Variants in MACROD2 observed in about 807,000 individuals in gnomAD.
MACROD2 encodes ADP-ribose glycohydrolase MACROD2.
Under a neutral mutation model 70.4 loss-of-function variants are expected in MACROD2, and 36 were observed. The ratio of observed to expected loss-of-function variants is 0.51; its 90% CI spans 0.39 to 0.68. The LOEUF (loss-of-function observed/expected upper bound fraction) is 0.68, where lower values mean the gene tolerates loss of function less well. Ranked by LOEUF, MACROD2 falls within the 30% of genes least tolerant of loss-of-function variation. MACROD2 has a pLI of 0.00. For missense variants in MACROD2, 496 were observed against 538.4 expected, an observed-to-expected ratio of 0.92 and a Z score of 0.78; for synonymous variants, 172 against 178.8, an observed-to-expected ratio of 0.96 and a Z score of 0.30.
intron 5 of MACROD2, among the ~76,000 whole-genome samples, chr20:14,761,569 A>G (rs755703380): frequency 6.6e-6 from 1 of 152,130 alleles, no homozygotes; most frequent in Non-Finnish European, 1.5e-5. Context: ...GATCCTTATT[A>G]TGAAATAGCT....
At chr20:15,692,622 CA>C (rs1230137226) in intron 8 of MACROD2, among the ~76,000 whole-genome samples, 2 of 152,088 alleles carry the variant, frequency 1.3e-5, no homozygotes, top group Non-Finnish European at 2.9e-5. Context: ...AAGGTGAGGG[CA>C]GGGGTAGGGT....
intron 4 of MACROD2, among the ~76,000 whole-genome samples, chr20:14,603,049 G>C (rs1982592601): frequency 6.6e-6 from 1 of 152,164 alleles, no homozygotes; most frequent in Admixed American, 6.5e-5. Flanking sequence ...TTTATGGATG[G>C]AGCAGAACAC....
intron 5 of MACROD2, among the ~76,000 whole-genome samples, chr20:14,852,823 G>A (rs2073213226): frequency 6.6e-6 from 1 of 152,122 alleles, no homozygotes; most frequent in African/African-American, 2.4e-5. Context: ...CCCATTTATG[G>A]GCCATGGTTA....
chr20:14,287,373 A>G (rs1447861600), intron 3 of MACROD2, among the ~76,000 whole-genome samples: 3 of 152,134 alleles, frequency 2.0e-5, no homozygotes, highest in East Asian at 1.9e-4. Flanking sequence ...GGAGGAATCC[A>G]TGATTAGGAA....
intron 9 of MACROD2, among the ~76,000 whole-genome samples, chr20:15,868,488 T>C (rs998558169): frequency 3.3e-5 from 5 of 152,116 alleles, no homozygotes; most frequent in African/African-American, 4.8e-5. Flanking sequence ...GTTTTATATA[T>C]CTAATAAAAG....
chr20:14,447,976 A>ATGTGTGTGTGTGTGTGTG (rs11087090), intron 3 of MACROD2, among the ~76,000 whole-genome samples: 12 of 143,250 alleles, frequency 8.4e-5, no homozygotes, highest in Non-Finnish European at 1.4e-4. Flanking sequence ...ACCCATGAAA[A>ATGTGTGTGTGTGTGTGTG]TGTGTGTGTG....
intron 15 of MACROD2, among the ~76,000 whole-genome samples, chr20:15,999,306 T>C (rs527497976): frequency 1.1e-4 from 17 of 152,238 alleles, no homozygotes; most frequent in Non-Finnish European, 2.2e-4. Flanking sequence ...AAATTCTTCC[T>C]GTTATTGTTT....
intron 5 of MACROD2, among the ~76,000 whole-genome samples, chr20:14,841,820 G>T (rs972622606): frequency 3.3e-5 from 5 of 151,972 alleles, no homozygotes; most frequent in African/African-American, 1.2e-4. Flanking sequence ...CTATGACCTT[G>T]GTATTACTTA....
At chr20:15,291,670 A>G (rs923618547) in intron 6 of MACROD2, among the ~76,000 whole-genome samples, 5 of 152,182 alleles carry the variant, frequency 3.3e-5, no homozygotes, top group Admixed American at 2.0e-4. Flanking sequence ...GAAATGAAGT[A>G]TTATTATTAG....
chr20:14,540,105 C>T (rs995588570), intron 4 of MACROD2, among the ~76,000 whole-genome samples: 1 of 152,014 alleles, frequency 6.6e-6, no homozygotes, highest in Admixed American at 6.6e-5. Flanking sequence ...ATGGCAATGT[C>T]CTTAATTAAT....
At chr20:15,883,313 A>G (rs2064781622) in intron 9 of MACROD2, among the ~76,000 whole-genome samples, 1 of 152,114 alleles carries the variant, frequency 6.6e-6, no homozygotes, top group African/African-American at 2.4e-5. Context: ...AATTATATTT[A>G]AAGATGTTAA....
chr20:14,659,194 G>GT (rs1242936669), intron 4 of MACROD2, among the ~76,000 whole-genome samples: 1 of 152,150 alleles, frequency 6.6e-6, no homozygotes, highest in Non-Finnish European at 1.5e-5. Context: ...ATCAAGAGAA[G>GT]TTATCTCTTG....
intron 6 of MACROD2, among the ~76,000 whole-genome samples, chr20:15,266,020 G>A (rs899119667): frequency 2.0e-5 from 3 of 152,226 alleles, no homozygotes; most frequent in African/African-American, 7.2e-5. Flanking sequence ...AGGCAATTCT[G>A]ACAGGCAATA....
chr20:16,021,875 C>T lies in MACROD2; in HGVS notation c.1154-19326C>T, dbSNP rs190355783. Among the ~76,000 whole-genome samples, 63 of 152,230 alleles carry T rather than the reference C, an allele frequency of 4.1e-4. 1 individual carries two copies. The highest frequency in any genetic ancestry group is 3.7e-3 in the Admixed American group (56 of 15,280). On this transcript the variant is annotated intron_variant, in intron 15 of 17. Coordinates refer to ENST00000684519, the MANE Select transcript of MACROD2 (RefSeq NM_001351661.2). ...TTATTTCTATTCATCTTTGTAGTTA[C>T]ACAATCCAACAAAATATAAGCATTG...
At chr20:14,392,173 G>A (rs918230772) in intron 3 of MACROD2, among the ~76,000 whole-genome samples, 2 of 151,620 alleles carry the variant, frequency 1.3e-5, no homozygotes, top group African/African-American at 4.8e-5. Context: ...TCTTCAACTA[G>A]ATAATTGAAC....
rs1362522673 is a variant in MACROD2 at position 15,356,797 on chromosome 20, T to C, written c.541-74608T>C. ...AGACTATCTCAAAAAAAATTTTTAC[T>C]GTAAATACATATATACAAAATTTTC... On this transcript the variant is annotated intron_variant, in intron 6 of 17. Transcript: ENST00000684519. 2.0e-5 allele frequency among the ~76,000 whole-genome samples: 3 copies of C among 152,276 alleles called. No individual in the cohort carries two copies. The South Asian group carries it at 6.2e-4, about 32-fold the overall frequency.
At chr20:14,849,933 C>T in intron 5 of MACROD2, 1 of 502,956 alleles carries the variant, frequency 2.0e-6, no homozygotes. Context: ...GCTATTGAAA[C>T]TGAATCTTCT....
At chr20:15,098,326 T>A (rs2075848675) in intron 5 of MACROD2, among the ~76,000 whole-genome samples, 4 of 152,162 alleles carry the variant, frequency 2.6e-5, no homozygotes, top group Admixed American at 1.3e-4. Context: ...TCTGTGATGA[T>A]TCCAACCTTT....
chr20:14,858,808 G>A (rs2073283066), intron 5 of MACROD2, among the ~76,000 whole-genome samples: 1 of 152,118 alleles, frequency 6.6e-6, no homozygotes, highest in South Asian at 2.1e-4. Context: ...AAACCTGTGT[G>A]AGCCTTAGTT....
Sources: gnomAD v4.1 joint callset for allele counts (sites outside exome capture counted in the v4.1 genomes callset) on GRCh38, gnomAD v4.1.1 for gene constraint, MANE v1.5 for transcripts, NCBI Gene and HGNC (gene_info 2026-07-23, HGNC 2026-07-21) for gene names.